Variants in F13A1 observed in about 807,000 individuals in gnomAD.
F13A1 encodes FSF, A subunit.
A neutral mutation model predicts 80.1 loss-of-function variants in F13A1; 47 were observed. That is an observed-to-expected ratio of 0.59 (90% confidence interval 0.46 to 0.75). The LOEUF (loss-of-function observed/expected upper bound fraction) is 0.75. F13A1 is among the 30% of genes least tolerant of loss of function. The pLI is 0.00. For synonymous variants in F13A1, 349 were observed against 344.9 expected (o/e 1.01, Z -0.13); for missense variants, 817 against 930.4 (o/e 0.88, Z 1.59).
At chr6:6,313,984 C>CTTTTT (rs1758643782) in intron 2 of F13A1, among the ~76,000 whole-genome samples, 1 of 139,308 alleles carries the variant, frequency 7.2e-6, no homozygotes. Context: ...TTTCTCCTTA[C>CTTTTT]TCTTTTTTTT....
At chr6:6,183,656 G>A (rs1761027227) in intron 10 of F13A1, among the ~76,000 whole-genome samples, 1 of 152,186 alleles carries the variant, frequency 6.6e-6, no homozygotes, top group African/African-American at 2.4e-5. Flanking sequence ...GAAAGAATAA[G>A]TACAAGATAC....
chr6:6,217,685 A>T (rs1252892906), intron 8 of F13A1, among the ~76,000 whole-genome samples: 1 of 152,024 alleles, frequency 6.6e-6, no homozygotes, highest in Non-Finnish European at 1.5e-5. Context: ...TAATAATAAA[A>T]ATAAATAAAA....
intron 3 of F13A1, among the ~76,000 whole-genome samples, chr6:6,292,232 C>T (rs1758233731): frequency 6.6e-6 from 1 of 152,220 alleles, no homozygotes; most frequent in Non-Finnish European, 1.5e-5. Flanking sequence ...GCTACTACCT[C>T]CATTAGCATT....
chr6:6,150,199 G>T (rs751849416), intron 14 of F13A1, among the ~76,000 whole-genome samples: 1 of 152,174 alleles, frequency 6.6e-6, no homozygotes, highest in African/African-American at 2.4e-5. Context: ...GCAGGGGGCT[G>T]TATGGAAGAG....
chr6:6,175,340 C>T (rs965262132), intron 11 of F13A1, among the ~76,000 whole-genome samples: 5 of 152,320 alleles, frequency 3.3e-5, no homozygotes, highest in African/African-American at 1.2e-4. Flanking sequence ...GACCTGTCTT[C>T]CTCATCTCTC....
At chr6:6,238,760 C>G (rs1177185468) in intron 6 of F13A1, among the ~76,000 whole-genome samples, 4 of 145,612 alleles carry the variant, frequency 2.7e-5, no homozygotes, top group African/African-American at 1.1e-4. Context: ...AAAAGATGCT[C>G]AAAATCATTA....
At chr6:6,210,730 A>C (rs1448424423) in intron 8 of F13A1, among the ~76,000 whole-genome samples, 2 of 150,484 alleles carry the variant, frequency 1.3e-5, no homozygotes, top group East Asian at 4.0e-4. Flanking sequence ...AATTATTTTT[A>C]TTTATTTATT....
At chr6:6,261,223 T>A (rs1191117769) in intron 4 of F13A1, among the ~76,000 whole-genome samples, 1 of 152,184 alleles carries the variant, frequency 6.6e-6, no homozygotes, top group Non-Finnish European at 1.5e-5. Context: ...TGCCTTGGTC[T>A]CCCGAAGTGC....
intron 14 of F13A1, among the ~76,000 whole-genome samples, chr6:6,149,007 T>A (rs1404539335): frequency 6.9e-6 from 1 of 144,340 alleles, no homozygotes; most frequent in East Asian, 2.1e-4. Context: ...AAAAAAAAAT[T>A]ATTATACCAT....
chr6:6,234,589 A>G (rs1427718541), intron 6 of F13A1, among the ~76,000 whole-genome samples: 2 of 152,056 alleles, frequency 1.3e-5, no homozygotes, highest in Non-Finnish European at 2.9e-5. Context: ...TCATCCTAAG[A>G]AAAAAGATAG....
At position 6,145,709 on chromosome 6, in the gene F13A1, A is replaced by T; in HGVS notation, c.2109T>A (p.His703Gln). 6.2e-7 allele frequency: 1 copy of T among 1,614,110 alleles called. No homozygotes were observed. Among genetic ancestry groups the T allele is most frequent in the Non-Finnish European group, 8.5e-7 (1 of 1,180,014 alleles). The change falls in exon 15 of 15, where the codon CAT becomes CAA. Residue 703 changes from histidine to glutamine, a missense_variant. Physicochemically the swap from His to Gln is conservative, Grantham distance 24. Coordinates refer to ENST00000264870, the MANE Select transcript of F13A1 (RefSeq NM_000129.4). ...EEVCRPWVSG[H>Q]RKLIASMSSD... Reference sequence around the variant, plus strand: ...TGCTCATGCTGGCTATCAGCTTCCGATGCCCAGAGACCCAGGGCCGGCACA... The same window carrying T: ...TGCTCATGCTGGCTATCAGCTTCCGTTGCCCAGAGACCCAGGGCCGGCACA...
chr6:6,258,597 T>A lies in F13A1; in HGVS notation c.572-7668A>T, dbSNP rs115998556. ...CAATCCTGGGGTCACCTACATGCCA[T>A]TGAAAAGAAGGTTTACTGTGAGCTC... On this transcript the variant is annotated intron_variant, in intron 4 of 14. Transcript: ENST00000264870. 4.8e-3 allele frequency among the ~76,000 whole-genome samples: 735 copies of A among 152,246 alleles called. 5 individuals carry two copies. Among genetic ancestry groups the A allele is most frequent in the African/African-American group, 0.016 (683 of 41,540 alleles).
At chr6:6,191,118 A>C (rs1295386875) in intron 10 of F13A1, among the ~76,000 whole-genome samples, 1 of 152,172 alleles carries the variant, frequency 6.6e-6, no homozygotes, top group Non-Finnish European at 1.5e-5. Flanking sequence ...ACCTGTGCCC[A>C]CTGTCTGGCA....
chr6:6,298,323 G>A (rs1758363512), intron 3 of F13A1, among the ~76,000 whole-genome samples: 1 of 148,500 alleles, frequency 6.7e-6, no homozygotes, highest in Non-Finnish European at 1.5e-5. Flanking sequence ...CTGTCTCGTT[G>A]ATCTGTCTAA....
At chr6:6,182,511 AC>A (rs1479601331) in intron 10 of F13A1, among the ~76,000 whole-genome samples, 1 of 152,122 alleles carries the variant, frequency 6.6e-6, no homozygotes. Flanking sequence ...TGGCTATGTG[AC>A]CTACTGCCAG....
intron 6 of F13A1, among the ~76,000 whole-genome samples, chr6:6,235,654 G>A (rs1356527879): frequency 6.6e-6 from 1 of 152,042 alleles, no homozygotes; most frequent in Non-Finnish European, 1.5e-5. Flanking sequence ...GGGAGGATAT[G>A]CAACACTTTA....
At chr6:6,212,619 C>T (rs1380972912) in intron 8 of F13A1, among the ~76,000 whole-genome samples, 2 of 152,164 alleles carry the variant, frequency 1.3e-5, no homozygotes, top group East Asian at 1.9e-4. Context: ...AAAAGCAGAG[C>T]GCCTCTCCTC....
intron 2 of F13A1, among the ~76,000 whole-genome samples, chr6:6,314,077 G>A (rs1035633493): frequency 6.7e-6 from 1 of 148,508 alleles, no homozygotes; most frequent in Middle Eastern, 3.2e-3. Context: ...CACCTCCCAG[G>A]TTCAAGCGAT....
At chr6:6,274,945 C>G (rs1022205127) in intron 3 of F13A1, among the ~76,000 whole-genome samples, 5 of 152,118 alleles carry the variant, frequency 3.3e-5, no homozygotes, top group African/African-American at 1.2e-4. Context: ...AAGCATTTGA[C>G]CCAGGGAGGG....
Sources: allele counts gnomAD v4.1 joint callset (sites outside exome capture counted in the v4.1 genomes callset), GRCh38; gene constraint gnomAD v4.1.1; transcripts MANE v1.5; gene names NCBI Gene and HGNC (gene_info 2026-07-23, HGNC 2026-07-21).